The following IL7 variants were observed in gnomAD, a reference collection of about 807,000 sequenced individuals.
IL7 encodes the protein interleukin-7.
Under a neutral mutation model 21.6 loss-of-function variants are expected in IL7, and 3 were observed. The observed-to-expected ratio is 0.14, with a 90% CI of 0.06 to 0.36. IL7 has a LOEUF of 0.36. Among genes scored for constraint, IL7 ranks in the 10% least tolerant of loss-of-function variants. The pLI, the probability that IL7 is intolerant of heterozygous loss-of-function variation, is 1.00. For missense variants in IL7, 175 were observed against 200.2 expected (o/e 0.87, Z 0.76); for synonymous variants, 62 against 68.1 (o/e 0.91, Z 0.44).
rs190534134 is a variant in IL7 at position 78,766,758 on chromosome 8, A to G, written c.148-26676T>C. Among the ~76,000 whole-genome samples the G allele has an allele frequency of 3.0e-3, 456 of 152,258 alleles. 2 individuals carry two copies. The highest frequency in any genetic ancestry group is 7.5e-3 in the South Asian group (36 of 4,830). ...GCTCCTACCAACAATTCTGTAACAG[A>G]CATCTTTGTATGTGTATCTGTATGT... On this transcript the variant is annotated intron_variant, in intron 2 of 5. Coordinates refer to ENST00000263851, the MANE Select transcript of IL7 (RefSeq NM_000880.4).
intron 3 of IL7, among the ~76,000 whole-genome samples, chr8:78,721,759 C>A (rs1404911517): frequency 6.6e-6 from 1 of 151,596 alleles, no homozygotes; most frequent in African/African-American, 2.4e-5. Flanking sequence ...TTGAAAAGGT[C>A]GATTAAATTT....
intron 2 of IL7, chr8:78,761,075 A>T (rs1812538655): frequency 6.2e-7 from 1 of 1,610,180 alleles, no homozygotes. Context: ...GTCACTATTT[A>T]TACCATCTAA....
intron 2 of IL7, among the ~76,000 whole-genome samples, chr8:78,767,420 C>T (rs1812789903): frequency 6.6e-6 from 1 of 151,824 alleles, no homozygotes; most frequent in African/African-American, 2.4e-5. Flanking sequence ...TAAGTGACTA[C>T]ATTGTATTTT....
chr8:78,766,886 G>A (rs1234197271), intron 2 of IL7, among the ~76,000 whole-genome samples: 1 of 152,014 alleles, frequency 6.6e-6, no homozygotes, highest in African/African-American at 2.4e-5. Context: ...AAAATAATTT[G>A]TGCTTCTACC....
chr8:78,675,572 A>G (rs1221269058), downstream of IL7, among the ~76,000 whole-genome samples: 2 of 152,056 alleles, frequency 1.3e-5, no homozygotes, highest in African/African-American at 4.8e-5. Flanking sequence ...ATATCTTTAA[A>G]TCATGACTCC....
At chr8:78,754,894 A>G (rs1468907241) in intron 2 of IL7, among the ~76,000 whole-genome samples, 2 of 152,092 alleles carry the variant, frequency 1.3e-5, no homozygotes, top group Non-Finnish European at 2.9e-5. Flanking sequence ...AATCTCAGCC[A>G]CAATATCTTT....
intron 3 of IL7, among the ~76,000 whole-genome samples, chr8:78,704,119 C>A (rs1025649337): frequency 7.2e-5 from 11 of 151,968 alleles, no homozygotes; most frequent in Non-Finnish European, 1.6e-4. Flanking sequence ...TGGTGGCTCA[C>A]GCCTGTAATC....
chr8:78,692,007 A>G (rs1237117538), intron 3 of IL7, among the ~76,000 whole-genome samples: 3 of 152,190 alleles, frequency 2.0e-5, no homozygotes, highest in African/African-American at 7.2e-5. Context: ...TTAACATACT[A>G]TCACCTCAAG....
At chr8:78,716,327 G>A (rs1811101453), downstream of IL7, among the ~76,000 whole-genome samples, 1 of 151,638 alleles carries the variant, frequency 6.6e-6, no homozygotes, top group African/African-American at 2.4e-5. Context: ...GTTTCACCAT[G>A]TTAGCCACGA....
chr8:78,801,438 C>T (rs966640680), intron 1 of IL7, among the ~76,000 whole-genome samples: 3 of 152,040 alleles, frequency 2.0e-5, no homozygotes, highest in South Asian at 2.1e-4. Context: ...GCAATAAAAA[C>T]AGACTCTACT....
At chr8:78,789,912 A>T (rs112891720) in intron 2 of IL7, among the ~76,000 whole-genome samples, 3,682 of 152,272 alleles carry the variant, frequency 0.024, 153 homozygotes, top group African/African-American at 0.084. Context: ...TGTGATGGCA[A>T]TTAGTTGACT....
At chr8:78,783,312 G>T (rs1487227202) in intron 2 of IL7, among the ~76,000 whole-genome samples, 1 of 152,190 alleles carries the variant, frequency 6.6e-6, no homozygotes, top group Non-Finnish European at 1.5e-5. Context: ...GGGCAGGATG[G>T]CCAATCACTC....
intron 3 of IL7, chr8:78,712,043 T>G: frequency 2.3e-6 from 3 of 1,289,740 alleles, no homozygotes; most frequent in Non-Finnish European, 3.0e-6. Flanking sequence ...GTGCAAAGGT[T>G]GTATGACAGT....
At chr8:78,720,595 A>G (rs1037708348) in intron 5 of IL7, among the ~76,000 whole-genome samples, 1 of 151,800 alleles carries the variant, frequency 6.6e-6, no homozygotes, top group Admixed American at 6.6e-5. Context: ...TTTTTTGACA[A>G]CACGAAACTA....
downstream of IL7, among the ~76,000 whole-genome samples, chr8:78,728,421 C>T (rs1811370347): frequency 6.6e-6 from 1 of 151,938 alleles, no homozygotes. Flanking sequence ...AGAAAGGATA[C>T]ATAGATCATC....
At chr8:78,682,128 G>A (rs183031117) in intron 4 of IL7, among the ~76,000 whole-genome samples, 1 of 151,982 alleles carries the variant, frequency 6.6e-6, no homozygotes, top group East Asian at 1.9e-4. Context: ...GAATAGTTGG[G>A]TATCTCAATA....
chr8:78,762,300 A>C, intron 2 of IL7: 3 of 1,596,428 alleles, frequency 1.9e-6, no homozygotes, highest in Non-Finnish European at 2.6e-6. Context: ...TTATCTTCTA[A>C]GTCTGCTCTC....
intron 3 of IL7, chr8:78,698,541 G>C: frequency 2.7e-6 from 4 of 1,469,108 alleles, no homozygotes; most frequent in Non-Finnish European, 3.7e-6. Context: ...ATAATTATTA[G>C]TGGTATATAA....
At chr8:78,784,431 A>G (rs1425100024) in intron 2 of IL7, among the ~76,000 whole-genome samples, 1 of 152,232 alleles carries the variant, frequency 6.6e-6, no homozygotes, top group Non-Finnish European at 1.5e-5. Context: ...GGCAGCCAGA[A>G]GTGTCTAACA....
Sources: gnomAD v4.1 joint callset for allele counts (sites outside exome capture counted in the v4.1 genomes callset) on GRCh38, gnomAD v4.1.1 for gene constraint, MANE v1.5 for transcripts, NCBI Gene and HGNC (gene_info 2026-07-23, HGNC 2026-07-21) for gene names.